Variants in FOXO3 observed in about 807,000 individuals in gnomAD.
FOXO3 encodes forkhead box O3.
A neutral mutation model predicts 41.9 loss-of-function variants in FOXO3; 4 were observed. That is an observed-to-expected ratio of 0.10 (90% CI 0.05 to 0.22). The LOEUF is 0.22. FOXO3 is among the 10% of genes least tolerant of loss of function. The probability of loss-of-function intolerance (pLI) is 1.00; values close to 1 mark genes in which losing one functional copy is unlikely to be tolerated. For synonymous variants in FOXO3, 318 were observed against 389.3 expected, an observed-to-expected ratio of 0.82 and a Z score of 2.16; for missense variants, 534 against 906.8, an observed-to-expected ratio of 0.59 and a Z score of 5.28.
chr6:108,646,446 T>G (rs1562256324), intron 1 of FOXO3, among the ~76,000 whole-genome samples: 1 of 152,226 alleles, frequency 6.6e-6, no homozygotes. Flanking sequence ...GCACCCACTT[T>G]AACACTTTCA....
At chr6:108,638,606 GGAAAA>G (rs1398194214) in intron 1 of FOXO3, among the ~76,000 whole-genome samples, 1 of 152,148 alleles carries the variant, frequency 6.6e-6, no homozygotes, top group Non-Finnish European at 1.5e-5. Flanking sequence ...AGTAACTCCA[GGAAAA>G]GAAGTTTGTG....
intron 1 of FOXO3, chr6:108,618,328 A>G (rs1777571838): frequency 4.7e-6 from 3 of 634,738 alleles, no homozygotes; most frequent in East Asian, 3.0e-5. Context: ...CACAAAAGAG[A>G]TATCAGGTCC....
chr6:108,653,789 G>C (rs1778611466), intron 1 of FOXO3, among the ~76,000 whole-genome samples: 1 of 152,162 alleles, frequency 6.6e-6, no homozygotes, highest in Non-Finnish European at 1.5e-5. Flanking sequence ...GCCTTATTTT[G>C]TTTAAGCTAA....
chr6:108,643,901 T>G (rs1450444195), intron 1 of FOXO3, among the ~76,000 whole-genome samples: 1 of 152,214 alleles, frequency 6.6e-6, no homozygotes. Context: ...AAGTGGGAAC[T>G]TATCAAAATC....
At chr6:108,644,419 C>G (rs1189415589) in intron 1 of FOXO3, among the ~76,000 whole-genome samples, 3 of 152,188 alleles carry the variant, frequency 2.0e-5, no homozygotes, top group Admixed American at 6.5e-5. Context: ...TCCTTTGATA[C>G]TGCTGTTGCC....
chr6:108,587,937 A>G (rs892623009), intron 1 of FOXO3, among the ~76,000 whole-genome samples: 5 of 152,220 alleles, frequency 3.3e-5, no homozygotes, highest in African/African-American at 9.7e-5. Context: ...TGCACTAGAG[A>G]AGGGCTCCCC....
intron 1 of FOXO3, among the ~76,000 whole-genome samples, chr6:108,627,282 A>G (rs1412651163): frequency 1.3e-5 from 2 of 152,030 alleles, no homozygotes; most frequent in Admixed American, 1.3e-4. Context: ...GGGTAGTGGA[A>G]CTGAGAGTGA....
intron 1 of FOXO3, among the ~76,000 whole-genome samples, chr6:108,650,011 G>T (rs1204086298): frequency 6.6e-6 from 1 of 152,130 alleles, no homozygotes; most frequent in Non-Finnish European, 1.5e-5. Flanking sequence ...CGTATTATGA[G>T]CCCACACATC....
At chr6:108,603,893 T>A (rs900199913) in intron 1 of FOXO3, among the ~76,000 whole-genome samples, 3 of 151,982 alleles carry the variant, frequency 2.0e-5, no homozygotes, top group Non-Finnish European at 4.4e-5. Flanking sequence ...ATTAGACAAT[T>A]TTTTTTTATT....
chr6:108,593,673 C>T (rs1318577154), intron 1 of FOXO3, among the ~76,000 whole-genome samples: 3 of 150,320 alleles, frequency 2.0e-5, no homozygotes, highest in Non-Finnish European at 4.4e-5. Context: ...CCACTGAACC[C>T]GGCCGCCTTG....
chr6:108,598,442 C>T (rs532259434), intron 1 of FOXO3, among the ~76,000 whole-genome samples: 1 of 152,222 alleles, frequency 6.6e-6, no homozygotes, highest in East Asian at 1.9e-4. Flanking sequence ...TGAACTGAGG[C>T]AACCACAAGC....
chr6:108,663,905 G>C lies in FOXO3; in HGVS notation c.1072G>C (p.Val358Leu). 1 of 1,614,202 alleles carries C rather than the reference G, an allele frequency of 6.2e-7. No individual in the cohort carries two copies. The change falls in exon 2 of 3, where the codon GTA (valine) becomes CTA (leucine). Residue 358 changes from valine to leucine, a missense_variant. Coordinates refer to ENST00000406360, the MANE Select transcript of FOXO3 (RefSeq NM_001455.4). ...YSSSASLSPSVSKPCTVELPR... is the reference protein window; with the variant it reads ...YSSSASLSPSLSKPCTVELPR... ...CAGCTCAGCCAGCCTGTCACCTTCA[G>C]TAAGCAAGCCGTGCACGGTGGAACT...
intron 1 of FOXO3, among the ~76,000 whole-genome samples, chr6:108,570,264 G>T (rs1776063015): frequency 6.6e-6 from 1 of 152,110 alleles, no homozygotes. Context: ...CTCCCAAAGT[G>T]CTGGGATTAC....
intron 1 of FOXO3, among the ~76,000 whole-genome samples, chr6:108,604,506 G>A (rs1262421580): frequency 6.6e-6 from 1 of 152,126 alleles, no homozygotes; most frequent in Non-Finnish European, 1.5e-5. Flanking sequence ...TGACTTATTA[G>A]TATGTAATAT....
At chr6:108,646,526 A>G (rs558870564) in intron 1 of FOXO3, among the ~76,000 whole-genome samples, 3 of 152,280 alleles carry the variant, frequency 2.0e-5, no homozygotes, top group East Asian at 3.9e-4. Flanking sequence ...CTGTATTTGA[A>G]TTGTGTTGTC....
chr6:108,662,418 C>G (rs547563647), intron 1 of FOXO3, among the ~76,000 whole-genome samples: 2 of 152,326 alleles, frequency 1.3e-5, no homozygotes. Flanking sequence ...AAGGAAGTTA[C>G]TATGCTCAGC....
chr6:108,630,356 G>A (rs2128375681), intron 1 of FOXO3, among the ~76,000 whole-genome samples: 1 of 152,262 alleles, frequency 6.6e-6, no homozygotes, highest in Non-Finnish European at 1.5e-5. Context: ...AGGGTGTTAG[G>A]TAGGAGTAGA....
chr6:108,583,035 A>G (rs1057434059), intron 1 of FOXO3, among the ~76,000 whole-genome samples: 3 of 152,110 alleles, frequency 2.0e-5, no homozygotes, highest in African/African-American at 7.2e-5. Flanking sequence ...CTGGATGAGG[A>G]TATTAAGGAT....
At chr6:108,644,503 GT>G (rs1310080966) in intron 1 of FOXO3, among the ~76,000 whole-genome samples, 3 of 152,064 alleles carry the variant, frequency 2.0e-5, no homozygotes, top group Admixed American at 6.6e-5. Context: ...GGATCTTTCA[GT>G]GGTGACTCCT....
Sources: allele counts gnomAD v4.1 joint callset (sites outside exome capture counted in the v4.1 genomes callset), GRCh38; gene constraint gnomAD v4.1.1; transcripts MANE v1.5; gene names NCBI Gene and HGNC (gene_info 2026-07-23, HGNC 2026-07-21).